EPB41: variants seen among roughly 807,000 people sequenced by gnomAD.
The protein encoded by EPB41 is erythrocyte membrane protein band 4.1.
In EPB41, 65 loss-of-function variants were observed where a neutral mutation model predicts 108.0. That is an observed-to-expected ratio of 0.60 (90% confidence interval 0.49 to 0.74). The LOEUF (loss-of-function observed/expected upper bound fraction) is 0.74. Ranked by LOEUF, EPB41 falls within the 30% of genes least tolerant of loss-of-function variation. EPB41 has a pLI of 0.00. For synonymous variants in EPB41, 336 were observed against 358.9 expected (o/e 0.94, Z 0.72); for missense variants, 875 against 1,037.0 (o/e 0.84, Z 2.15).
intron 1 of EPB41, among the ~76,000 whole-genome samples, chr1:28,942,036 C>G (rs938341490): frequency 1.3e-5 from 2 of 151,788 alleles, no homozygotes; most frequent in Non-Finnish European, 2.9e-5. Flanking sequence ...AATGCTAATA[C>G]TATAAATATT....
At position 28,930,150 on chromosome 1, in the gene EPB41, C is replaced by CT. The variant is rs772932485; in HGVS notation, c.-8+15403dup. Among the ~76,000 whole-genome samples, 1,132 of 122,642 alleles carry CT rather than the reference C, an allele frequency of 9.2e-3. 23 individuals are homozygous for CT. The highest frequency in any genetic ancestry group is 0.029 in the African/African-American group (932 of 32,636). 80.5% of individuals were successfully genotyped at this position (122,642 alleles called of 152,430 possible). ...ATAGAATTATACAATATGTTGCTTC[C>CT]TTTTTTTTTTTTTTTTTTTTTAAAG... On this transcript the variant is annotated intron_variant, in intron 1 of 20. Coordinates refer to ENST00000343067, the MANE Select transcript of EPB41 (RefSeq NM_001376013.1).
At chr1:29,021,236 T>G (rs2096640774) in intron 7 of EPB41, among the ~76,000 whole-genome samples, 1 of 152,164 alleles carries the variant, frequency 6.6e-6, no homozygotes, top group South Asian at 2.1e-4. Flanking sequence ...GAAGTCAAAA[T>G]TATTTTTGTA....
At position 28,970,360 on chromosome 1, in the gene EPB41, T is replaced by C. The variant is rs529916745; in HGVS notation, c.-7-17071T>C. Among the ~76,000 whole-genome samples, 26 of 152,304 alleles carry C rather than the reference T, an allele frequency of 1.7e-4. No individual in the cohort carries two copies. The South Asian group carries it at 3.9e-3, about 23-fold the overall frequency. On this transcript the variant is annotated intron_variant, in intron 1 of 20. Transcript: ENST00000343067. ...GAAATTTACTAAAATAGTCTTATGG[T>C]ATTTGAGTTTCAAAATTTTAAAGTA...
chr1:29,040,562 T>C (rs1238295082), intron 11 of EPB41, among the ~76,000 whole-genome samples: 1 of 152,170 alleles, frequency 6.6e-6, no homozygotes, highest in African/African-American at 2.4e-5. Context: ...ATTATGGGTG[T>C]GATCCACCAT....
At chr1:29,041,142 A>ATTAAT (rs1558121963) in intron 11 of EPB41, 5 of 138,276 alleles carry the variant, frequency 3.6e-5, no homozygotes, top group African/African-American at 1.4e-4. Flanking sequence ...TCATAAATAA[A>ATTAAT]TAAATTAAAT....
chr1:29,038,718 G>A (rs1219134590), intron 10 of EPB41, among the ~76,000 whole-genome samples: 2 of 152,182 alleles, frequency 1.3e-5, no homozygotes, highest in Admixed American at 6.5e-5. Flanking sequence ...GGTACAAAGA[G>A]TACATAGAGT....
At chr1:29,042,434 G>A (rs1419278199) in intron 11 of EPB41, among the ~76,000 whole-genome samples, 1 of 152,012 alleles carries the variant, frequency 6.6e-6, no homozygotes, top group African/African-American at 2.4e-5. Context: ...TAGGACTTTT[G>A]TGCTTCCATA....
In EPB41 at chr1:28,887,306, G is replaced by T; in HGVS notation, c.-8+96G>T. ...CCCCCAAGGGCTCGGACCGTCCCGG[G>T]AGAGGCGAGACCAGGGTCGAAGGGT... On this transcript the variant is annotated intron_variant, in intron 1 of 16. Transcript: ENST00000347529. The surrounding 1 kb of genome is among the most constrained non-coding windows in gnomAD (Gnocchi z 4.9). The T allele has an allele frequency of 8.2e-7, 1 of 1,213,888 alleles. No homozygotes were observed. Among genetic ancestry groups the T allele is most frequent in the Non-Finnish European group, 1.0e-6 (1 of 952,808 alleles). The allele number at this position is 1,213,888 out of a possible 1,614,324, so 75.2% of individuals were successfully genotyped here.
intron 3 of EPB41, 126 bp downstream of exon 3, chr1:28,993,668 T>C (rs2096080094): frequency 1.1e-6 from 1 of 894,092 alleles, no homozygotes; most frequent in Non-Finnish European, 1.7e-6. Flanking sequence ...TTTTTTTTTT[T>C]TTTTTTGAGA....
At chr1:29,056,243 A>C (rs1184804672) in intron 12 of EPB41, among the ~76,000 whole-genome samples, 2 of 151,720 alleles carry the variant, frequency 1.3e-5, no homozygotes, top group Non-Finnish European at 2.9e-5. Context: ...CAAAAAAAAA[A>C]AAAACAAAAA....
intron 16 of EPB41, among the ~76,000 whole-genome samples, chr1:29,080,274 G>A (rs953302338): frequency 6.6e-6 from 1 of 151,652 alleles, no homozygotes; most frequent in Non-Finnish European, 1.5e-5. Context: ...GCGAACCACC[G>A]CACCCGGCTA....
At chr1:29,002,967 A>G (rs2096328147) in intron 4 of EPB41, among the ~76,000 whole-genome samples, 1 of 152,240 alleles carries the variant, frequency 6.6e-6, no homozygotes. Context: ...TGGTCTGTTT[A>G]GCATCTACCC....
intron 5 of EPB41, among the ~76,000 whole-genome samples, chr1:29,014,913 A>T (rs1429532908): frequency 6.6e-6 from 1 of 152,136 alleles, no homozygotes; most frequent in African/African-American, 2.4e-5. Flanking sequence ...TGGGACACTG[A>T]GGTGGGAGTA....
chr1:29,109,508 A>C, intron 18 of EPB41, 71 bp downstream of exon 18: 1 of 1,262,106 alleles, frequency 7.9e-7, no homozygotes, highest in South Asian at 1.2e-5. Context: ...TCTCTGCAAG[A>C]AGGACCCTAG....
At chr1:29,046,284 T>G (rs1459891318) in intron 11 of EPB41, among the ~76,000 whole-genome samples, 1 of 151,822 alleles carries the variant, frequency 6.6e-6, no homozygotes, top group East Asian at 1.9e-4. Flanking sequence ...GCCACCACCA[T>G]GCCCGGCTAA....
intron 9 of EPB41, among the ~76,000 whole-genome samples, chr1:29,034,794 A>G (rs1360489010): frequency 6.6e-6 from 1 of 152,178 alleles, no homozygotes; most frequent in African/African-American, 2.4e-5. Context: ...GATCTATTGT[A>G]CAACATGGTG....
intron 4 of EPB41, among the ~76,000 whole-genome samples, chr1:29,006,868 C>T (rs1224421811): frequency 6.6e-6 from 1 of 151,344 alleles, no homozygotes; most frequent in African/African-American, 2.4e-5. Context: ...CCACTGCACT[C>T]CTGCCTGGGT....
At chr1:29,106,564 A>AATTTTTT (rs1233211329) in intron 17 of EPB41, among the ~76,000 whole-genome samples, 5 of 50,894 alleles carry the variant, frequency 9.8e-5, no homozygotes, top group African/African-American at 2.5e-4. Flanking sequence ...AGTAGCTGGG[A>AATTTTTT]TTTTTTTTTT....
intron 15 of EPB41, 141 bp downstream of exon 15, chr1:29,060,625 C>T (rs1310018474): frequency 5.6e-6 from 4 of 714,136 alleles, no homozygotes; most frequent in East Asian, 2.8e-5. Context: ...AATGCTTTTG[C>T]ATGTTGGTGA....
Sources: allele counts gnomAD v4.1 joint callset (sites outside exome capture counted in the v4.1 genomes callset), GRCh38; gene constraint gnomAD v4.1.1; non-coding constraint Gnocchi (gnomAD v3.1); transcripts MANE v1.5; gene names NCBI Gene and HGNC (gene_info 2026-07-23, HGNC 2026-07-21).